KIRREL3: variants seen among roughly 807,000 people sequenced by gnomAD.
The protein encoded by KIRREL3 is kin of IRRE-like protein 3.
A neutral mutation model predicts 89.7 loss-of-function variants in KIRREL3; 36 were observed. The ratio of observed to expected loss-of-function variants is 0.40; its 90% CI spans 0.31 to 0.53. KIRREL3 has a LOEUF of 0.53. KIRREL3 is among the 20% of genes least tolerant of loss of function. The pLI, the probability that KIRREL3 is intolerant of heterozygous loss-of-function variation, is 0.49. For missense variants in KIRREL3, 864 were observed against 1,056.6 expected (o/e 0.82, Z 2.53); for synonymous variants, 445 against 441.4 (o/e 1.01, Z -0.10).
At chr11:126,950,935 G>A (rs570589323) in intron 1 of KIRREL3, among the ~76,000 whole-genome samples, 2 of 152,230 alleles carry the variant, frequency 1.3e-5, no homozygotes, top group East Asian at 1.9e-4. Context: ...TCTGCCCCAA[G>A]AGGGCAAAGA....
rs1168082176 is a variant in KIRREL3 at position 126,578,854 on chromosome 11, T to A, written c.56-15942A>T. 2.0e-5 allele frequency among the ~76,000 whole-genome samples: 3 copies of A among 152,128 alleles called. No homozygotes were observed. The highest frequency in any genetic ancestry group is 4.8e-5 in the African/African-American group (2 of 41,406). ...CTGATTCCAAGGTGAAAATAAGCCATCACGTATTGACCATCTGTCAGCAAG... is the reference window on the plus strand; with the variant it reads ...CTGATTCCAAGGTGAAAATAAGCCAACACGTATTGACCATCTGTCAGCAAG... On this transcript the variant is annotated intron_variant, in intron 1 of 16. Coordinates refer to ENST00000525144, the MANE Select transcript of KIRREL3 (RefSeq NM_032531.4). The surrounding 1 kb of genome is among the most constrained non-coding windows in gnomAD (Gnocchi z 4.9).
At chr11:126,941,319 C>T (rs1948437158) in intron 1 of KIRREL3, among the ~76,000 whole-genome samples, 1 of 152,162 alleles carries the variant, frequency 6.6e-6, no homozygotes, top group African/African-American at 2.4e-5. Context: ...CCTGATCTCT[C>T]CAGTCTCACT....
intron 1 of KIRREL3, among the ~76,000 whole-genome samples, chr11:126,933,500 G>A (rs1948045426): frequency 6.7e-6 from 1 of 150,236 alleles, no homozygotes; most frequent in Non-Finnish European, 1.5e-5. Context: ...TAGATTGGAA[G>A]GAAAGCAGAA....
At chr11:126,947,197 C>T (rs1321900519) in intron 1 of KIRREL3, among the ~76,000 whole-genome samples, 1 of 152,282 alleles carries the variant, frequency 6.6e-6, no homozygotes, top group African/African-American at 2.4e-5. Context: ...ATGAAATAGT[C>T]GTTTGTATTC....
chr11:126,900,119 A>G lies in KIRREL3; in HGVS notation c.55+100336T>C, dbSNP rs893199895. On this transcript the variant is annotated intron_variant, in intron 1 of 16. Coordinates refer to ENST00000525144, the MANE Select transcript of KIRREL3 (RefSeq NM_032531.4). This position sits in a 1 kb window ranked among gnomAD's most constrained non-coding sequence, Gnocchi z 4.4. ...CAATTGTTTTGCACAATGGAGACACACTCCTTGGGTCAGGAAACTAAATGT... is the reference window on the plus strand; with the variant it reads ...CAATTGTTTTGCACAATGGAGACACGCTCCTTGGGTCAGGAAACTAAATGT... 3.3e-5 allele frequency among the ~76,000 whole-genome samples: 5 copies of G among 152,072 alleles called. No individual in the cohort carries two copies. The South Asian group carries it at 6.2e-4, about 19-fold the overall frequency.
At chr11:126,663,784 A>G (rs1284705846) in intron 1 of KIRREL3, among the ~76,000 whole-genome samples, 1 of 152,190 alleles carries the variant, frequency 6.6e-6, no homozygotes, top group East Asian at 1.9e-4. Context: ...ACAAAAGGAG[A>G]GTGAGAGACT....
rs573512574 is a variant in KIRREL3, at chr11:126,928,931, T to C, written c.55+71524A>G. On this transcript the variant is annotated intron_variant, in intron 1 of 16. Transcript: ENST00000525144. The stretch of plus-strand genomic sequence containing the variant: ...TTGGGAGCCATGAGCAAACCCATGA[T>C]TGGTCAAACTATGAGAATGAATGGA... Among the ~76,000 whole-genome samples the C allele has an allele frequency of 3.4e-4, 51 of 152,222 alleles. 1 individual carries two copies. In the South Asian group the frequency reaches 0.01, roughly 30 times the overall value.
intron 1 of KIRREL3, among the ~76,000 whole-genome samples, chr11:126,878,512 C>A (rs534764552): frequency 1.3e-5 from 2 of 152,012 alleles, no homozygotes; most frequent in Admixed American, 1.3e-4. Flanking sequence ...ATGAAAAGTG[C>A]ATTTTAACCC....
At position 126,668,490 on chromosome 11, in the gene KIRREL3, C is replaced by A. The variant is rs1489740816; in HGVS notation, c.56-105578G>T. Among the ~76,000 whole-genome samples the A allele has an allele frequency of 1.3e-5, 2 of 152,196 alleles. No individual in the cohort carries two copies. The highest frequency in any genetic ancestry group is 3.9e-4 in the East Asian group (2 of 5,188). ...CAGCTTCCCTTTCCCCACAGTCCAA[C>A]CGGCTGTCTAAGCTTAGGGAGCTGC... On this transcript the variant is annotated intron_variant, in intron 1 of 16. Transcript: ENST00000525144. The surrounding 1 kb of genome is among the most constrained non-coding windows in gnomAD (Gnocchi z 4.4).
rs955042275 is a variant in KIRREL3, at chr11:126,754,658, G to A, written c.56-191746C>T. On this transcript the variant is annotated intron_variant, in intron 1 of 16. Coordinates refer to ENST00000525144, the MANE Select transcript of KIRREL3 (RefSeq NM_032531.4). The surrounding 1 kb of genome is among the most constrained non-coding windows in gnomAD (Gnocchi z 5.1). ...TCGTGCGCACTCAGTGGTGTCAGGTGGCTGTGTTGTCTTCTTTCTGAGTTG... is the reference window on the plus strand; with the variant it reads ...TCGTGCGCACTCAGTGGTGTCAGGTAGCTGTGTTGTCTTCTTTCTGAGTTG... Among the ~76,000 whole-genome samples, 2 of 151,848 alleles carry A rather than the reference G, an allele frequency of 1.3e-5. No individual in the cohort carries two copies. The highest frequency in any genetic ancestry group is 3.2e-3 in the Middle Eastern group (1 of 316).
intron 1 of KIRREL3, among the ~76,000 whole-genome samples, chr11:126,631,536 T>C (rs1410341577): frequency 6.6e-6 from 1 of 151,924 alleles, no homozygotes; most frequent in African/African-American, 2.4e-5. Context: ...GTGTTGGAAA[T>C]TGAGATGGAG....
intron 1 of KIRREL3, among the ~76,000 whole-genome samples, chr11:126,929,851 C>T (rs1027196022): frequency 3.9e-5 from 6 of 152,210 alleles, no homozygotes; most frequent in Admixed American, 3.9e-4. Flanking sequence ...TCTCTTTCCA[C>T]TGCTGAATTT....
At chr11:126,450,512 T>C (rs11220499) in intron 7 of KIRREL3, among the ~76,000 whole-genome samples, 23,558 of 148,642 alleles carry the variant, frequency 0.16, 2,336 homozygotes, top group East Asian at 0.39. Context: ...TGTGCATGTG[T>C]GTGTGTGCAT....
rs1440286144 is a variant in KIRREL3, at chr11:126,879,090, A to G, written c.55+121365T>C. ...CTCTGCAGGCCAACCGGCAATTACA[A>G]TGGCATCTTTCTTCCCATCACTGAC... On this transcript the variant is annotated intron_variant, in intron 1 of 16. Transcript: ENST00000525144. The surrounding 1 kb of genome is among the most constrained non-coding windows in gnomAD (Gnocchi z 5.4). Among the ~76,000 whole-genome samples, 1 of 152,216 alleles carries G rather than the reference A, an allele frequency of 6.6e-6. No individual in the cohort carries two copies. The highest frequency in any genetic ancestry group is 1.5e-5 in the Non-Finnish European group (1 of 68,038).
Position 126,424,363 on chromosome 11 carries a change from G to C in KIRREL3, c.*217C>G, listed in dbSNP as rs963376515. The stretch of plus-strand genomic sequence containing the variant: ...CACAGCGCACTCAGCCGCAGCCTCT[G>C]TCTGTCTCCCCACCCGCCCACCTCT... On this transcript the variant is annotated 3_prime_UTR_variant, in exon 17 of 17. Coordinates refer to ENST00000525144, the MANE Select transcript of KIRREL3 (RefSeq NM_032531.4). 4 of 567,248 alleles carry C rather than the reference G, an allele frequency of 7.1e-6. No individual in the cohort carries two copies. The highest frequency in any genetic ancestry group is 3.0e-5 in the Admixed American group (1 of 33,132). The allele number at this position is 567,248 out of a possible 1,614,324, so 35.1% of individuals were successfully genotyped here.
intron 1 of KIRREL3, among the ~76,000 whole-genome samples, chr11:126,699,372 A>G (rs1947224954): frequency 6.6e-6 from 1 of 152,262 alleles, no homozygotes; most frequent in Non-Finnish European, 1.5e-5. Flanking sequence ...TGTTCCCACA[A>G]GGTGCAGTAA....
Position 126,556,534 on chromosome 11 carries a change from G to C in KIRREL3, c.133+6301C>G, listed in dbSNP as rs1450291750. Among the ~76,000 whole-genome samples the C allele has an allele frequency of 2.6e-5, 4 of 152,168 alleles. No homozygotes were observed. In the East Asian group the frequency reaches 7.7e-4, roughly 29 times the overall value. The stretch of plus-strand genomic sequence containing the variant: ...TGCATGCTTGTTCTTCTGGCTACTT[G>C]GGAGGCTGGGGTAGGATTGCTTGAG... On this transcript the variant is annotated intron_variant, in intron 2 of 16. Transcript: ENST00000525144.
At chr11:126,836,861 G>A (rs1457611604) in intron 1 of KIRREL3, among the ~76,000 whole-genome samples, 1 of 152,182 alleles carries the variant, frequency 6.6e-6, no homozygotes, top group Non-Finnish European at 1.5e-5. Flanking sequence ...ATGACATCCT[G>A]TGCCTGACTC....
At chr11:126,502,430 G>A (rs1957891731) in intron 4 of KIRREL3, among the ~76,000 whole-genome samples, 2 of 152,154 alleles carry the variant, frequency 1.3e-5, no homozygotes, top group Admixed American at 1.3e-4. Context: ...GTCCCTTCTG[G>A]GCAGGCACAC....
Sources: gnomAD v4.1 joint callset for allele counts (sites outside exome capture counted in the v4.1 genomes callset) on GRCh38, gnomAD v4.1.1 for gene constraint, Gnocchi (gnomAD v3.1) non-coding constraint, MANE v1.5 for transcripts, NCBI Gene and HGNC (gene_info 2026-07-23, HGNC 2026-07-21) for gene names.